KIRREL3: variants seen among roughly 807,000 people sequenced by gnomAD.
KIRREL3 encodes the protein kirre like nephrin family adhesion molecule 3, also known as kin of IRRE-like protein 3.
KIRREL3 carries 36 observed loss-of-function variants against 89.7 expected under a neutral mutation model. That is an observed-to-expected ratio of 0.40 (90% confidence interval 0.31 to 0.53). The LOEUF is 0.53. Among genes scored for constraint, KIRREL3 ranks in the 20% least tolerant of loss-of-function variants. The probability of loss-of-function intolerance (pLI) is 0.49; values close to 1 mark genes in which losing one functional copy is unlikely to be tolerated. For synonymous variants in KIRREL3, 445 were observed against 441.4 expected, an observed-to-expected ratio of 1.01 and a Z score of -0.10; for missense variants, 864 against 1,056.6, an observed-to-expected ratio of 0.82 and a Z score of 2.53.
chr11:126,773,180 T>A lies in KIRREL3; in HGVS notation c.56-210268A>T, dbSNP rs1396842796. Among the ~76,000 whole-genome samples, 2 of 152,220 alleles carry A rather than the reference T, an allele frequency of 1.3e-5. No homozygotes were observed. The highest frequency in any genetic ancestry group is 2.9e-5 in the Non-Finnish European group (2 of 68,038). Reference sequence around the variant, plus strand: ...GATTGATTTTTTGTGTCAACTTTGCTGGGACATGGTGCCCAGATGTTTTGT... The same window carrying A: ...GATTGATTTTTTGTGTCAACTTTGCAGGGACATGGTGCCCAGATGTTTTGT... On this transcript the variant is annotated intron_variant, in intron 1 of 16. Coordinates refer to ENST00000525144, the MANE Select transcript of KIRREL3 (RefSeq NM_032531.4). This position sits in a 1 kb window ranked among gnomAD's most constrained non-coding sequence, Gnocchi z 4.2.
At chr11:126,749,910 C>T (rs1207908220) in intron 1 of KIRREL3, among the ~76,000 whole-genome samples, 1 of 152,160 alleles carries the variant, frequency 6.6e-6, no homozygotes, top group Non-Finnish European at 1.5e-5. Flanking sequence ...GAGACCGAAT[C>T]AGGGCTGTGT....
intron 2 of KIRREL3, among the ~76,000 whole-genome samples, chr11:126,532,472 T>C (rs901639185): frequency 6.6e-6 from 1 of 152,066 alleles, no homozygotes; most frequent in African/African-American, 2.4e-5. Context: ...CCCTCCTGGG[T>C]TCAAGGGATT....
At chr11:126,690,200 T>C (rs1476379362) in intron 1 of KIRREL3, among the ~76,000 whole-genome samples, 1 of 152,248 alleles carries the variant, frequency 6.6e-6, no homozygotes, top group East Asian at 1.9e-4. Context: ...TGGCAGTGAG[T>C]GTTTATGCGC....
At chr11:126,502,944 C>T (rs951628962) in intron 4 of KIRREL3, among the ~76,000 whole-genome samples, 1 of 151,976 alleles carries the variant, frequency 6.6e-6, no homozygotes, top group Non-Finnish European at 1.5e-5. Flanking sequence ...AGCTGGTGTG[C>T]GGCTCAGATA....
chr11:126,866,860 T>C lies in KIRREL3; in HGVS notation c.55+133595A>G, dbSNP rs527633827. ...AGACCACCTTCCCATTCCATTCCCC[T>C]TGTGGCCTCCGCATCCACCTTGCCG... On this transcript the variant is annotated intron_variant, in intron 1 of 16. Transcript: ENST00000525144. Among the ~76,000 whole-genome samples the C allele has an allele frequency of 9.0e-4, 137 of 152,256 alleles. 2 individuals carry two copies. The highest frequency in any genetic ancestry group is 2.9e-3 in the African/African-American group (119 of 41,546).
chr11:126,630,426 T>C (rs1943970053), intron 1 of KIRREL3, among the ~76,000 whole-genome samples: 2 of 152,084 alleles, frequency 1.3e-5, no homozygotes, highest in South Asian at 4.2e-4. Flanking sequence ...TTCTACCAAT[T>C]GATGGAAATC....
rs1957535434 is a variant in KIRREL3, at chr11:126,492,131, A to G, written c.434-18665T>C. Among the ~76,000 whole-genome samples, 2 of 152,214 alleles carry G rather than the reference A, an allele frequency of 1.3e-5. No individual in the cohort carries two copies. Among genetic ancestry groups the G allele is most frequent in the Non-Finnish European group, 2.9e-5 (2 of 68,034 alleles). ...GGCTTATAAAATGGACAAAAGGATA[A>G]GTTGCAGAGGGCCACCGAGGAACTG... On this transcript the variant is annotated intron_variant, in intron 4 of 16. Coordinates refer to ENST00000525144, the MANE Select transcript of KIRREL3 (RefSeq NM_032531.4). The surrounding 1 kb of genome is among the most constrained non-coding windows in gnomAD (Gnocchi z 4.8).
At position 126,551,792 on chromosome 11, in the gene KIRREL3, T is replaced by C. The variant is rs1022494103; in HGVS notation, c.133+11043A>G. ...TCCTGAGTAGCTGGGATTACAGGCA[T>C]GCGCCACCATGCCCGACTAATTTTT... On this transcript the variant is annotated intron_variant, in intron 2 of 16. Coordinates refer to ENST00000525144, the MANE Select transcript of KIRREL3 (RefSeq NM_032531.4). The surrounding 1 kb of genome is among the most constrained non-coding windows in gnomAD (Gnocchi z 4.9). 6.6e-6 allele frequency among the ~76,000 whole-genome samples: 1 copy of C among 151,954 alleles called. No homozygotes were observed. The highest frequency in any genetic ancestry group is 2.4e-5 in the African/African-American group (1 of 41,360).
Position 126,980,488 on chromosome 11 carries a change from G to A in KIRREL3, c.55+19967C>T, listed in dbSNP as rs188276158. On this transcript the variant is annotated intron_variant, in intron 1 of 16. Transcript: ENST00000525144. ...GGGAGGAGTAAATTGTGTACCCTAT[G>A]AAGATACAAGTGGTAATGAATGACA... Among the ~76,000 whole-genome samples the A allele has an allele frequency of 9.9e-5, 15 of 152,266 alleles. No homozygotes were observed. The East Asian group carries it at 1.4e-3, about 14-fold the overall frequency.
rs1340085792 is a variant in KIRREL3 at position 126,508,724 on chromosome 11, A to T, written c.433+12591T>A. ...GACTGCATTCAGATTCTCGTTCTTTACCTTTCTTGTGTGTGACCTTGGGCA... is the reference window on the plus strand; with the variant it reads ...GACTGCATTCAGATTCTCGTTCTTTTCCTTTCTTGTGTGTGACCTTGGGCA... On this transcript the variant is annotated intron_variant, in intron 4 of 16. Coordinates refer to ENST00000525144, the MANE Select transcript of KIRREL3 (RefSeq NM_032531.4). The surrounding 1 kb of genome is among the most constrained non-coding windows in gnomAD (Gnocchi z 4.9). Among the ~76,000 whole-genome samples the T allele has an allele frequency of 6.6e-6, 1 of 152,060 alleles. No individual in the cohort carries two copies. The highest frequency in any genetic ancestry group is 6.6e-5 in the Admixed American group (1 of 15,256).
At chr11:126,478,304 A>G (rs1489201868) in intron 4 of KIRREL3, among the ~76,000 whole-genome samples, 2 of 152,292 alleles carry the variant, frequency 1.3e-5, no homozygotes, top group East Asian at 1.9e-4. Flanking sequence ...TTCATTTATT[A>G]TCTGTCACCG....
chr11:127,001,660 A>G (rs1432901673), upstream of KIRREL3, among the ~76,000 whole-genome samples: 2 of 152,110 alleles, frequency 1.3e-5, no homozygotes, highest in African/African-American at 2.4e-5. Context: ...TCCACACTCA[A>G]ATCAAACTCG....
rs1950808574 is a variant in KIRREL3, at chr11:126,796,296, C to A, written c.55+204159G>T. 6.6e-6 allele frequency among the ~76,000 whole-genome samples: 1 copy of A among 152,090 alleles called. No homozygotes were observed. Among genetic ancestry groups the A allele is most frequent in the African/African-American group, 2.4e-5 (1 of 41,426 alleles). ...CCAGATGAAAAGAGAGGGGCTCGAT[C>A]CATGTGAGTTCCCTGGCTTGCTGAT... On this transcript the variant is annotated intron_variant, in intron 1 of 16. Transcript: ENST00000525144. The surrounding 1 kb of genome is among the most constrained non-coding windows in gnomAD (Gnocchi z 5.1).
intron 4 of KIRREL3, among the ~76,000 whole-genome samples, chr11:126,514,466 C>G (rs757555945): frequency 5.3e-5 from 8 of 152,248 alleles, no homozygotes; most frequent in Non-Finnish European, 8.8e-5. Flanking sequence ...CTCTAGGAAG[C>G]AAAGTCTGAT....
At chr11:126,840,027 A>G (rs1411856335) in intron 1 of KIRREL3, among the ~76,000 whole-genome samples, 7 of 152,204 alleles carry the variant, frequency 4.6e-5, no homozygotes, top group Non-Finnish European at 7.3e-5. Flanking sequence ...AGGGACATGA[A>G]CGTTGAGAAA....
chr11:126,922,680 C>A (rs1947400508), intron 1 of KIRREL3, among the ~76,000 whole-genome samples: 1 of 151,832 alleles, frequency 6.6e-6, no homozygotes, highest in African/African-American at 2.4e-5. Flanking sequence ...GTCTCTCCCA[C>A]CCTAAAAACA....
chr11:126,449,672 G>C (rs1264359041), intron 7 of KIRREL3, among the ~76,000 whole-genome samples: 1 of 152,226 alleles, frequency 6.6e-6, no homozygotes, highest in Non-Finnish European at 1.5e-5. Flanking sequence ...AGCTGTAGGA[G>C]AGGTATGCTG....
chr11:127,001,595 T>G (rs7944589), upstream of KIRREL3, among the ~76,000 whole-genome samples: 29,396 of 151,996 alleles, frequency 0.19, 3,533 homozygotes, highest in East Asian at 0.42. Flanking sequence ...GCCAAGGTCA[T>G]AGACAACTGC....
rs932783421 is a variant in KIRREL3 at position 126,521,076 on chromosome 11, G to A, written c.433+239C>T. Among the ~76,000 whole-genome samples the A allele has an allele frequency of 6.6e-6, 1 of 152,214 alleles. No homozygotes were observed. Among genetic ancestry groups the A allele is most frequent in the Admixed American group, 6.5e-5 (1 of 15,286 alleles). On this transcript the variant is annotated intron_variant, in intron 4 of 16. Transcript: ENST00000525144. This position sits in a 1 kb window ranked among gnomAD's most constrained non-coding sequence, Gnocchi z 4.1. Reference sequence around the variant, plus strand: ...AGCTGCCTAAGGCACCATCAAACACGCCGGGGTTGGACTGAGTCCGCTGGC... The same window carrying A: ...AGCTGCCTAAGGCACCATCAAACACACCGGGGTTGGACTGAGTCCGCTGGC...
Sources: allele counts gnomAD v4.1 joint callset (sites outside exome capture counted in the v4.1 genomes callset), GRCh38; gene constraint gnomAD v4.1.1; non-coding constraint Gnocchi (gnomAD v3.1); transcripts MANE v1.5; gene names NCBI Gene and HGNC (gene_info 2026-07-23, HGNC 2026-07-21).